The following ANKS1A variants were observed in gnomAD, a reference collection of about 807,000 sequenced individuals.
ANKS1A encodes the protein ankyrin repeat and SAM domain-containing protein 1A.
ANKS1A carries 55 observed loss-of-function variants against 120.3 expected under a neutral mutation model. The ratio of observed to expected loss-of-function variants is 0.46; its 90% confidence interval spans 0.37 to 0.57. ANKS1A has a LOEUF of 0.57. Ranked by LOEUF, ANKS1A falls within the 20% of genes least tolerant of loss-of-function variation. The pLI is 0.00. For synonymous variants in ANKS1A, 590 were observed against 604.7 expected, an observed-to-expected ratio of 0.98 and a Z score of 0.36; for missense variants, 1,123 against 1,480.3, an observed-to-expected ratio of 0.76 and a Z score of 3.96.
Position 34,983,407 on chromosome 6 carries a change from A to G in ANKS1A, c.994A>G (p.Ile332Val), listed in dbSNP as rs757271314. 11 of 1,613,840 alleles carry G rather than the reference A, an allele frequency of 6.8e-6. No individual in the cohort carries two copies. The highest frequency in any genetic ancestry group is 3.3e-5 in the South Asian group (3 of 91,032). Residue 332 changes from isoleucine to valine, a missense_variant, in exon 7 of 24, where the codon ATA (isoleucine) becomes GTA (valine). This residue lies in a region of ANKS1A where 904 missense variants were observed against 1,130.4 expected (regional missense o/e 0.80). Coordinates refer to ENST00000360359, the MANE Select transcript of ANKS1A (RefSeq NM_015245.3). Reference sequence around the variant, plus strand: ...ACCTCTCATCTCCAGTATGGACTCCATATCACAGAAGTCTCAGGGTAAGGT... The same window carrying G: ...ACCTCTCATCTCCAGTATGGACTCCGTATCACAGAAGTCTCAGGGTAAGGT... ...QPPLISSMDS[I>V]SQKSQGDVEK...
At chr6:34,960,283 C>T (rs1770569684) in intron 1 of ANKS1A, among the ~76,000 whole-genome samples, 1 of 152,184 alleles carries the variant, frequency 6.6e-6, no homozygotes, top group African/African-American at 2.4e-5. Context: ...TTTGCTGCCT[C>T]TGCTTCCTTT....
chr6:35,088,567 G>A (rs750068588), intron 23 of ANKS1A, 39 bp from the exon 24 acceptor site: 2 of 1,613,590 alleles, frequency 1.2e-6, no homozygotes, highest in Non-Finnish European at 8.5e-7. Context: ...GGCCCCATTG[G>A]TTAACCCTTT....
intron 13 of ANKS1A, among the ~76,000 whole-genome samples, chr6:35,077,950 C>T (rs1357540808): frequency 6.6e-6 from 1 of 152,224 alleles, no homozygotes; most frequent in Admixed American, 6.5e-5. Flanking sequence ...CAGGTGGGCG[C>T]TCCGTGTGCC....
chr6:35,007,539 T>G (rs1773528533), intron 10 of ANKS1A, among the ~76,000 whole-genome samples: 1 of 152,252 alleles, frequency 6.6e-6, no homozygotes, highest in South Asian at 2.1e-4. Context: ...GCTCGCTGGA[T>G]GTTCTGGACA....
chr6:34,985,021 G>A, intron 7 of ANKS1A, 61 bp from the exon 8 acceptor site: 3 of 1,530,630 alleles, frequency 2.0e-6, no homozygotes, highest in Non-Finnish European at 1.8e-6. Flanking sequence ...TTGCTGCAGT[G>A]GTTGGAACCT....
intron 1 of ANKS1A, among the ~76,000 whole-genome samples, chr6:34,928,674 C>A (rs1384206307): frequency 1.3e-5 from 2 of 152,122 alleles, no homozygotes; most frequent in African/African-American, 4.8e-5. Context: ...AATTGAGGCA[C>A]AGCACAGTTA....
chr6:34,961,575 A>G (rs904547810), intron 1 of ANKS1A, among the ~76,000 whole-genome samples: 4 of 152,146 alleles, frequency 2.6e-5, no homozygotes, highest in Non-Finnish European at 4.4e-5. Flanking sequence ...AGGATGTCCA[A>G]ACTTAATCAC....
At chr6:34,970,252 A>G in intron 3 of ANKS1A, 86 bp downstream of exon 3, 5 of 1,417,906 alleles carry the variant, frequency 3.5e-6, no homozygotes, top group Non-Finnish European at 3.8e-6. Context: ...CATAGTTCAA[A>G]TCTCAGAGAA....
At position 34,944,262 on chromosome 6, in the gene ANKS1A, C is replaced by T. The variant is rs558128742; in HGVS notation, c.198-22977C>T. On this transcript the variant is annotated intron_variant, in intron 1 of 23. Coordinates refer to ENST00000360359, the MANE Select transcript of ANKS1A (RefSeq NM_015245.3). ...TACTGCACTCCAGCCTGGGCAACAG[C>T]GAGATGCCATCTCAAAAAAAAAAAA... 6.0e-4 allele frequency among the ~76,000 whole-genome samples: 91 copies of T among 151,258 alleles called. 1 individual carries two copies. Among genetic ancestry groups the T allele is most frequent in the Middle Eastern group, 3.4e-3 (1 of 290 alleles).
intron 1 of ANKS1A, among the ~76,000 whole-genome samples, chr6:34,914,636 C>G (rs1359399440): frequency 6.6e-6 from 1 of 152,054 alleles, no homozygotes; most frequent in Non-Finnish European, 1.5e-5. Flanking sequence ...TCTTGTGCAC[C>G]TAGAAATCCT....
chr6:35,083,244 G>A lies in ANKS1A; in HGVS notation c.2907+18G>A, dbSNP rs1777785756. On this transcript the variant is annotated intron_variant, in intron 19 of 23. Coordinates refer to ENST00000360359, the MANE Select transcript of ANKS1A (RefSeq NM_015245.3). ...AGATGCGGGTAGGGTGCCTGTGTGG[G>A]CTGGAGGGCGCTGTGGGACTGGCCA... The A allele has an allele frequency of 6.2e-7, 1 of 1,613,906 alleles. No individual in the cohort carries two copies. The highest frequency in any genetic ancestry group is 1.1e-5 in the South Asian group (1 of 91,062).
rs573600959 is a variant in ANKS1A at position 35,086,813 on chromosome 6, C to G, written c.3304-139C>G. 3.5e-6 allele frequency: 3 copies of G among 854,214 alleles called. No individual in the cohort carries two copies. The African/African-American group carries it at 5.0e-5, about 14-fold the overall frequency. 52.9% of individuals were successfully genotyped at this position (854,214 alleles called of 1,614,324 possible). ...CCCTCCTCCGCCTGCCCCCAGGGGC[C>G]TGCTCTTTGGCCGAGGAGAATAAGG... On this transcript the variant is annotated intron_variant, in intron 22 of 23. Transcript: ENST00000360359. The surrounding 1 kb of genome is among the most constrained non-coding windows in gnomAD (Gnocchi z 5.1).
intron 11 of ANKS1A, among the ~76,000 whole-genome samples, chr6:35,037,271 G>A (rs1775223629): frequency 6.6e-6 from 1 of 152,158 alleles, no homozygotes; most frequent in Admixed American, 6.5e-5. Context: ...TACTGTTGAT[G>A]ACTTCCCTAA....
chr6:35,069,655 C>G (rs984179547), intron 13 of ANKS1A, among the ~76,000 whole-genome samples: 18 of 151,980 alleles, frequency 1.2e-4, no homozygotes, highest in African/African-American at 4.1e-4. Flanking sequence ...ATCCTCCCAT[C>G]TAAGTCTCCC....
At chr6:34,910,544 A>T (rs575893532) in intron 1 of ANKS1A, among the ~76,000 whole-genome samples, 8 of 152,250 alleles carry the variant, frequency 5.3e-5, no homozygotes, top group African/African-American at 1.9e-4. Flanking sequence ...AGCCTGGGCA[A>T]CATAGCCAGA....
intron 1 of ANKS1A, among the ~76,000 whole-genome samples, chr6:34,911,522 G>A (rs1767907108): frequency 6.6e-6 from 1 of 152,164 alleles, no homozygotes; most frequent in Admixed American, 6.5e-5. Flanking sequence ...CACACTGAGA[G>A]TCCTGGTTCT....
At chr6:34,914,447 A>G (rs1473904095) in intron 1 of ANKS1A, among the ~76,000 whole-genome samples, 1 of 152,232 alleles carries the variant, frequency 6.6e-6, no homozygotes, top group Admixed American at 6.5e-5. Flanking sequence ...CGATTTAGTC[A>G]TCATAATTTG....
intron 1 of ANKS1A, among the ~76,000 whole-genome samples, chr6:34,914,191 G>C (rs1247588319): frequency 1.5e-5 from 2 of 129,366 alleles, no homozygotes; most frequent in East Asian, 8.6e-4. Flanking sequence ...AAAGTGCTGG[G>C]ATTACAGGTG....
chr6:34,889,366 C>T lies in ANKS1A; in HGVS notation c.-37C>T. ...GGAGCCCGAGCAGGCTCGGCTGCAG[C>T]CTCGGGGAGGGGGTCCAGCGGGTGG... On this transcript the variant is annotated 5_prime_UTR_variant, in exon 1 of 24. Coordinates refer to ENST00000360359, the MANE Select transcript of ANKS1A (RefSeq NM_015245.3). This position sits in a 1 kb window ranked among gnomAD's most constrained non-coding sequence, Gnocchi z 5.5. 5.6e-6 allele frequency: 7 copies of T among 1,249,670 alleles called. No homozygotes were observed. The highest frequency in any genetic ancestry group is 7.0e-6 in the Non-Finnish European group (7 of 999,212). The allele number at this position is 1,249,670 out of a possible 1,614,324, so 77.4% of individuals were successfully genotyped here.
Sources: allele counts gnomAD v4.1 joint callset (sites outside exome capture counted in the v4.1 genomes callset), GRCh38; gene constraint gnomAD v4.1.1; regional missense constraint gnomAD v4.1.1; non-coding constraint Gnocchi (gnomAD v3.1); transcripts MANE v1.5; gene names NCBI Gene and HGNC (gene_info 2026-07-23, HGNC 2026-07-21).